The following AHNAK2 variants were observed in gnomAD, a reference collection of about 807,000 sequenced individuals.
The protein encoded by AHNAK2 is AHNAK nucleoprotein 2, also known as protein AHNAK2.
AHNAK2 carries 18 observed loss-of-function variants against 30.7 expected under a neutral mutation model. The ratio of observed to expected loss-of-function variants is 0.59; its 90% confidence interval spans 0.41 to 0.87. The LOEUF (loss-of-function observed/expected upper bound fraction) is 0.87, where lower values mean the gene tolerates loss of function less well. Ranked by LOEUF, AHNAK2 falls within the 40% of genes least tolerant of loss-of-function variation. The pLI is 0.00. For missense variants in AHNAK2, 8,604 were observed against 7,373.0 expected (o/e 1.17, Z -6.11); for synonymous variants, 3,590 against 3,073.8 (o/e 1.17, Z -5.56).
chr14:104,941,383 C>A lies in AHNAK2; in HGVS notation c.14068G>T (p.Val4690Phe). The A allele has an allele frequency of 6.2e-7, 1 of 1,613,418 alleles. No homozygotes were observed. The highest frequency in any genetic ancestry group is 8.5e-7 in the Non-Finnish European group (1 of 1,179,886). ...PSRDGNLGLA[V>F]GEVGMDSKFK... ...TTCGAATCCATTCCAACTTCTCCAA[C>A]AGCAAGCCCCAAGTTACCATCGCGA... Residue 4690 changes from valine (V) to phenylalanine (F), a missense_variant, in exon 7 of 7, where the codon GTT becomes TTT. Val to Phe is a conservative substitution (Grantham distance 50). Transcript: ENST00000333244.
At chr14:104,965,193 T>A (rs1228313972) in intron 1 of AHNAK2, among the ~76,000 whole-genome samples, 3 of 152,094 alleles carry the variant, frequency 2.0e-5, no homozygotes, top group African/African-American at 7.2e-5. Flanking sequence ...ATCCAAGTAT[T>A]TTTGTAACGA....
At chr14:104,970,154 G>A (rs1266017236) in intron 1 of AHNAK2, among the ~76,000 whole-genome samples, 1 of 152,162 alleles carries the variant, frequency 6.6e-6, no homozygotes, top group African/African-American at 2.4e-5. Context: ...TACCTGCCCA[G>A]GGCCCACAGC....
intron 1 of AHNAK2, among the ~76,000 whole-genome samples, chr14:104,972,663 G>T (rs73357588): frequency 1.3e-5 from 2 of 152,092 alleles, no homozygotes; most frequent in African/African-American, 4.8e-5. Flanking sequence ...AACACATGAC[G>T]GAGATCTCCT....
Position 104,943,413 on chromosome 14 carries a change from G to A in AHNAK2, c.12038C>T (p.Ala4013Val), listed in dbSNP as rs779239371. The A allele has an allele frequency of 2.5e-6, 4 of 1,613,236 alleles. No individual in the cohort carries two copies. Among genetic ancestry groups the A allele is most frequent in the Non-Finnish European group, 3.4e-6 (4 of 1,179,642 alleles). ...AGGGGGCTGAACGCTGAGGTCAGTG[G>A]CCTTGAGGTCCCCCTGCATGGAAGG... ...SLPSMQGDLK[A>V]TDLSVQPPSA... The change falls in exon 7 of 7, where the codon GCC becomes GTC. Residue 4013 changes from alanine to valine, a missense_variant. Transcript: ENST00000333244.
Position 104,942,277 on chromosome 14 carries a change from G to T in AHNAK2, c.13174C>A (p.Pro4392Thr), listed in dbSNP as rs1196464933. ...TGGGGACCCTTGAGGTCCACTTTGG[G>T]TACCTTGAAACTGGGCATCTGCAGC... ...PKLQMPSFKV[P>T]KVDLKGPQID... Residue 4392 changes from proline (P) to threonine (T), a missense_variant, in exon 7 of 7, where the codon CCC becomes ACC. Transcript: ENST00000333244. 3.1e-6 allele frequency: 5 copies of T among 1,613,040 alleles called. No homozygotes were observed. Among genetic ancestry groups the T allele is most frequent in the South Asian group, 1.1e-5 (1 of 91,056 alleles).
chr14:104,967,758 A>C (rs1899343783), intron 1 of AHNAK2, among the ~76,000 whole-genome samples: 1 of 152,186 alleles, frequency 6.6e-6, no homozygotes, highest in African/African-American at 2.4e-5. Flanking sequence ...GAACACAAAC[A>C]GGAAGGGGGA....
chr14:104,952,165 G>C lies in AHNAK2; in HGVS notation c.3286C>G (p.Leu1096Val), dbSNP rs201268922. 9.3e-6 allele frequency: 15 copies of C among 1,610,372 alleles called. 1 individual carries two copies. The highest frequency in any genetic ancestry group is 4.1e-5 in the African/African-American group (3 of 72,896). Reference sequence around the variant, plus strand: ...TTGACGTCCACCTGGGGGCCCTTGAGGGCCACTTTGGGCATCTTGAAACTG... The same window carrying C: ...TTGACGTCCACCTGGGGGCCCTTGACGGCCACTTTGGGCATCTTGAAACTG... ...MPSFKMPKVA[L>V]KGPQVDVKGP... Residue 1096 changes from leucine to valine, a missense_variant, in exon 7 of 7, where the codon CTC (leucine) becomes GTC (valine). Physicochemically the swap from Leu to Val is conservative, Grantham distance 32. Coordinates refer to ENST00000333244, the MANE Select transcript of AHNAK2 (RefSeq NM_138420.4).
chr14:104,967,853 A>G (rs1899347775), intron 1 of AHNAK2, among the ~76,000 whole-genome samples: 1 of 152,248 alleles, frequency 6.6e-6, no homozygotes, highest in South Asian at 2.1e-4. Flanking sequence ...GAAGGCCCCC[A>G]GTATCCCAGT....
chr14:104,940,889 A>G lies in AHNAK2; in HGVS notation c.14562T>C (p.Pro4854=), dbSNP rs370915460. Residue 4854 remains proline (P), a synonymous_variant, in exon 7 of 7, where the codon CCT becomes CCC. Transcript: ENST00000333244. The surrounding 1 kb of genome is among the most constrained non-coding windows in gnomAD (Gnocchi z 4.4). ...GAAAAGATACCTGACCAAGAGAAAC[A>G]GGAATCATGGAATTCAGTGGGCCAG... The part of the protein sequence containing the change: ...SHSGPLNSMI[P]VSLGQVSFPK... 1.1e-5 allele frequency: 17 copies of G among 1,612,842 alleles called. No individual in the cohort carries two copies. The highest frequency in any genetic ancestry group is 1.4e-5 in the Non-Finnish European group (16 of 1,179,660).
rs1466649539 is a variant in AHNAK2, at chr14:104,954,155, T to A, written c.1296A>T (p.Ala432=). 3.1e-6 allele frequency: 5 copies of A among 1,610,402 alleles called. No homozygotes were observed. The African/African-American group carries it at 6.7e-5, about 21-fold the overall frequency. The change falls in exon 7 of 7, where the codon GCA becomes GCT. Residue 432 remains alanine, a synonymous_variant. Transcript: ENST00000333244. This position sits in a 1 kb window ranked among gnomAD's most constrained non-coding sequence, Gnocchi z 4.3. ...KTLEGQAQET[A]VAQRKPRAQP... ...GGGCCCTGGGCTTCCTCTGGGCCAC[T>A]GCTGTCTCCTGTGCCTGCCCCTCCA...
rs1192416935 is a variant in AHNAK2 at position 104,943,125 on chromosome 14, T to C, written c.12326A>G (p.Lys4109Arg). 1.9e-6 allele frequency: 3 copies of C among 1,613,124 alleles called. No individual in the cohort carries two copies. Among genetic ancestry groups the C allele is most frequent in the African/African-American group, 1.3e-5 (1 of 74,718 alleles). ...CCCCTCCAGCTGCACACCATCCAGC[T>C]TTGCTCTCGGGGCCTGGACGTCCAC... ...MEVDVQAPRA[K>R]LDGVQLEGDL... The change falls in exon 7 of 7, where the codon AAG becomes AGG. Residue 4109 changes from lysine to arginine, a missense_variant. Physicochemically the swap from Lys to Arg is conservative, Grantham distance 26 (BLOSUM62 2). Coordinates refer to ENST00000333244, the MANE Select transcript of AHNAK2 (RefSeq NM_138420.4).
At position 104,950,102 on chromosome 14, in the gene AHNAK2, C is replaced by A. The variant is rs978048886; in HGVS notation, c.5349G>T (p.Glu1783Asp). The change falls in exon 7 of 7, where the codon GAG becomes GAT. Residue 1783 changes from glutamate to aspartate, a missense_variant. Coordinates refer to ENST00000333244, the MANE Select transcript of AHNAK2 (RefSeq NM_138420.4). The part of the protein sequence containing the change: ...PKAEVMAPDV[E>D]VSLPSVEVDV... ...CCACCTCCACGCTGGGCAGAGACAC[C>A]TCCACGTCGGGGGCCATCACCTCCG... 1 of 1,587,142 alleles carries A rather than the reference C, an allele frequency of 6.3e-7. No homozygotes were observed. Among genetic ancestry groups the A allele is most frequent in the African/African-American group, 1.4e-5 (1 of 72,298 alleles).
rs140129247 is a variant in AHNAK2 at position 104,943,469 on chromosome 14, G to A, written c.11982C>T (p.Thr3994=). 1,771 of 1,610,188 alleles carry A rather than the reference G, an allele frequency of 1.1e-3. 32 individuals are homozygous for A. Among genetic ancestry groups the A allele is most frequent in the South Asian group, 9.4e-3 (857 of 90,848 alleles). ...GKSMEASVDV[T]APKVEADVSL... Reference sequence around the variant, plus strand: ...TCACGTCGGCCTCCACCTTTGGCGCGGTCACATCCACTGATGCCTCCATGG... The same window carrying A: ...TCACGTCGGCCTCCACCTTTGGCGCAGTCACATCCACTGATGCCTCCATGG... Residue 3994 remains threonine (T), a synonymous_variant, in exon 7 of 7, where the codon ACC becomes ACT. Transcript: ENST00000333244.
intron 1 of AHNAK2, among the ~76,000 whole-genome samples, chr14:104,971,227 G>A (rs377283186): frequency 3.3e-5 from 5 of 152,092 alleles, no homozygotes; most frequent in Admixed American, 6.5e-5. Context: ...CCATCCTCCC[G>A]TGTCAGCCTC....
Position 104,940,864 on chromosome 14 carries a change from GAA to G in AHNAK2, c.14585_14586del (p.Phe4862SerfsTer2), listed in dbSNP as rs1447435679. On this transcript the variant is annotated frameshift_variant, in exon 7 of 7. Coordinates refer to ENST00000333244, the MANE Select transcript of AHNAK2 (RefSeq NM_138420.4). LOFTEE classifies it low-confidence loss of function (END_TRUNC). This position sits in a 1 kb window ranked among gnomAD's most constrained non-coding sequence, Gnocchi z 4.4. The part of the protein sequence containing the change: ...MIPVSLGQVS[F>X]PKFYKPKFVF... ...ACAAACTTTGGTTTATAGAATTTAGGAAAAGATACCTGACCAAGAGAAACAGG... is the reference window on the plus strand; with the variant it reads ...ACAAACTTTGGTTTATAGAATTTAGGAAGATACCTGACCAAGAGAAACAGG... The G allele has an allele frequency of 6.2e-7, 1 of 1,612,880 alleles. No individual in the cohort carries two copies. Among genetic ancestry groups the G allele is most frequent in the Non-Finnish European group, 8.5e-7 (1 of 1,179,802 alleles).
rs1487745504 is a variant in AHNAK2 at position 104,939,461 on chromosome 14, A to G, written c.15990T>C (p.Leu5330=). The G allele has an allele frequency of 2.5e-6, 4 of 1,613,332 alleles. No homozygotes were observed. Among genetic ancestry groups the G allele is most frequent in the Non-Finnish European group, 3.4e-6 (4 of 1,179,778 alleles). ...VLPGEIDETP[L]SKPGHDLASM... is the part of the protein sequence containing the mutation. ...TGGCAAGGTCATGTCCTGGCTTGGA[A>G]AGAGGAGTCTCATCTATTTCTCCTG... Residue 5330 remains leucine, a synonymous_variant, in exon 7 of 7, where the codon CTT becomes CTC. Coordinates refer to ENST00000333244, the MANE Select transcript of AHNAK2 (RefSeq NM_138420.4).
At chr14:104,973,648 C>CT (rs1899529817) in intron 1 of AHNAK2, among the ~76,000 whole-genome samples, 1 of 152,200 alleles carries the variant, frequency 6.6e-6, no homozygotes, top group African/African-American at 2.4e-5. Context: ...GCTGCCCCTG[C>CT]TTGGCTATAC....
At chr14:104,968,239 C>A (rs914558178) in intron 1 of AHNAK2, among the ~76,000 whole-genome samples, 1 of 152,336 alleles carries the variant, frequency 6.6e-6, no homozygotes, top group South Asian at 2.1e-4. Flanking sequence ...CAGTCCCTTG[C>A]ATGCCAGGGC....
At position 104,947,437 on chromosome 14, in the gene AHNAK2, C is replaced by T; in HGVS notation, c.8014G>A (p.Asp2672Asn). The change falls in exon 7 of 7, where the codon GAT (aspartate) becomes AAT (asparagine). Residue 2672 changes from aspartate (D) to asparagine (N), a missense_variant. By Grantham distance (23) the Asp-to-Asn change is conservative. Coordinates refer to ENST00000333244, the MANE Select transcript of AHNAK2 (RefSeq NM_138420.4). ...APGESIEALV[D>N]VSELKVEADM... ...GCTTCCACCTTCAGCTCAGACACATCCACCAACGCCTCGATGGACTCGCCT... is the reference window on the plus strand; with the variant it reads ...GCTTCCACCTTCAGCTCAGACACATTCACCAACGCCTCGATGGACTCGCCT... The T allele has an allele frequency of 1.2e-6, 2 of 1,612,574 alleles. No individual in the cohort carries two copies. Among genetic ancestry groups the T allele is most frequent in the Non-Finnish European group, 1.7e-6 (2 of 1,179,514 alleles).
Sources: gnomAD v4.1 joint callset for allele counts (sites outside exome capture counted in the v4.1 genomes callset) on GRCh38, gnomAD v4.1.1 for gene constraint, Gnocchi (gnomAD v3.1) non-coding constraint, MANE v1.5 for transcripts, NCBI Gene and HGNC (gene_info 2026-07-23, HGNC 2026-07-21) for gene names.